The following EPB41L3 variants were observed in gnomAD, a reference collection of about 807,000 sequenced individuals.
EPB41L3 encodes erythrocyte membrane protein band 4.1 like 3.
A neutral mutation model predicts 127.1 loss-of-function variants in EPB41L3; 57 were observed. The ratio of observed to expected loss-of-function variants is 0.45; its 90% CI spans 0.36 to 0.56. The LOEUF (loss-of-function observed/expected upper bound fraction) is 0.56, where lower values mean the gene tolerates loss of function less well. Ranked by LOEUF, EPB41L3 falls within the 20% of genes least tolerant of loss-of-function variation. The pLI is 0.00. For synonymous variants in EPB41L3, 572 were observed against 549.5 expected, an observed-to-expected ratio of 1.04 and a Z score of -0.57; for missense variants, 1,273 against 1,372.2, an observed-to-expected ratio of 0.93 and a Z score of 1.14.
In EPB41L3 at chr18:5,494,675, A is replaced by T. The variant is rs1329670332; in HGVS notation, c.-11-5481T>A. Among the ~76,000 whole-genome samples, 4 of 141,876 alleles carry T rather than the reference A, an allele frequency of 2.8e-5. No individual in the cohort carries two copies. The East Asian group carries it at 9.5e-4, about 34-fold the overall frequency. The allele number at this position is 141,876 out of a possible 152,430, so 93.1% of individuals were successfully genotyped here. Reference sequence around the variant, plus strand: ...TCCATCCACCCTCCCCCCACCCAAAAAAAAAAAGAAACAGTAAAAGAAAGA... The same window carrying T: ...TCCATCCACCCTCCCCCCACCCAAATAAAAAAAGAAACAGTAAAAGAAAGA... On this transcript the variant is annotated intron_variant, in intron 1 of 22. Coordinates refer to ENST00000341928, the MANE Select transcript of EPB41L3 (RefSeq NM_012307.5).
intron 1 of EPB41L3, among the ~76,000 whole-genome samples, chr18:5,519,964 A>C (rs1598578188): frequency 6.6e-6 from 1 of 152,234 alleles, no homozygotes; most frequent in East Asian, 1.9e-4. Context: ...GCATTAAAGC[A>C]GCAACTGATT....
At chr18:5,587,687 A>C (rs961398450) in intron 3 of EPB41L3, among the ~76,000 whole-genome samples, 3 of 152,192 alleles carry the variant, frequency 2.0e-5, no homozygotes, top group Non-Finnish European at 1.5e-5. Flanking sequence ...GACATTCACA[A>C]TGATTTCCAA....
intron 3 of EPB41L3, among the ~76,000 whole-genome samples, chr18:5,572,984 A>T (rs1003205616): frequency 6.6e-6 from 1 of 152,192 alleles, no homozygotes; most frequent in African/African-American, 2.4e-5. Context: ...TGGGCATAAA[A>T]GGAATAAGGG....
chr18:5,539,029 C>T (rs1471760551), intron 1 of EPB41L3, among the ~76,000 whole-genome samples: 1 of 126,500 alleles, frequency 7.9e-6, no homozygotes, highest in South Asian at 2.4e-4. Context: ...GGTAGTAAAG[C>T]GTAAGTTACA....
At chr18:5,423,987 T>C (rs1328437701) in intron 10 of EPB41L3, among the ~76,000 whole-genome samples, 1 of 152,096 alleles carries the variant, frequency 6.6e-6, no homozygotes, top group African/African-American at 2.4e-5. Flanking sequence ...AAGGAATGGA[T>C]TGGATATTTG....
chr18:5,433,359 TCA>T (rs2079260240), intron 8 of EPB41L3, 108 bp downstream of exon 8: 4 of 730,482 alleles, frequency 5.5e-6, no homozygotes, highest in Non-Finnish European at 6.8e-6. Flanking sequence ...ATTTGAATTC[TCA>T]GAGGTTTCAT....
At chr18:5,403,536 A>T (rs1422547105) in intron 16 of EPB41L3, among the ~76,000 whole-genome samples, 1 of 151,768 alleles carries the variant, frequency 6.6e-6, no homozygotes, top group African/African-American at 2.4e-5. Context: ...GGTAACATTA[A>T]AACTCAAGAA....
chr18:5,445,384 T>C, intron 3 of EPB41L3, 140 bp from the exon 4 acceptor site: 1 of 679,468 alleles, frequency 1.5e-6, no homozygotes, highest in South Asian at 2.0e-5. Flanking sequence ...CACATTGCCA[T>C]CTCCTGTTTA....
intron 8 of EPB41L3, among the ~76,000 whole-genome samples, chr18:5,430,469 T>C (rs2078837212): frequency 2.0e-5 from 3 of 152,168 alleles, no homozygotes; most frequent in African/African-American, 7.2e-5. Context: ...CAAGTCTCCA[T>C]TTCATTAATC....
At chr18:5,535,915 A>C (rs1180534151) in intron 1 of EPB41L3, among the ~76,000 whole-genome samples, 1 of 152,138 alleles carries the variant, frequency 6.6e-6, no homozygotes, top group East Asian at 1.9e-4. Flanking sequence ...GAAGCTTAAT[A>C]TTTTCCATCT....
chr18:5,557,154 G>A (rs1748368588), intron 3 of EPB41L3, among the ~76,000 whole-genome samples: 1 of 152,206 alleles, frequency 6.6e-6, no homozygotes, highest in South Asian at 2.1e-4. Flanking sequence ...GGACGAAGCA[G>A]CCAGGAATTC....
At chr18:5,625,471 T>C (rs1221526366) in intron 1 of EPB41L3, among the ~76,000 whole-genome samples, 1 of 152,086 alleles carries the variant, frequency 6.6e-6, no homozygotes, top group Admixed American at 6.5e-5. Flanking sequence ...ACTCAGGACA[T>C]GGTGGTCCTA....
intron 2 of EPB41L3, among the ~76,000 whole-genome samples, chr18:5,485,722 G>C (rs1490617102): frequency 6.6e-6 from 1 of 151,958 alleles, no homozygotes; most frequent in East Asian, 1.9e-4. Flanking sequence ...AAGATATCAA[G>C]AAGCAATCCT....
intron 16 of EPB41L3, among the ~76,000 whole-genome samples, chr18:5,406,435 G>A (rs1005827982): frequency 3.3e-5 from 5 of 152,118 alleles, no homozygotes; most frequent in Non-Finnish European, 7.4e-5. Flanking sequence ...TCAAGCAAAA[G>A]TAGAAAGCAT....
chr18:5,534,150 G>A (rs1432565697), intron 1 of EPB41L3, among the ~76,000 whole-genome samples: 3 of 152,106 alleles, frequency 2.0e-5, no homozygotes, highest in Non-Finnish European at 2.9e-5. Context: ...GTGACAGAGC[G>A]AGACTCCGTC....
chr18:5,510,893 C>T (rs1197057495), intron 1 of EPB41L3, among the ~76,000 whole-genome samples: 3 of 152,082 alleles, frequency 2.0e-5, no homozygotes, highest in Non-Finnish European at 4.4e-5. Flanking sequence ...CTAGCTCTAT[C>T]TGCCTACTTA....
intron 3 of EPB41L3, among the ~76,000 whole-genome samples, chr18:5,586,681 C>G (rs1268366262): frequency 6.6e-6 from 1 of 151,434 alleles, no homozygotes; most frequent in African/African-American, 2.4e-5. Context: ...GGACTACAGG[C>G]ATGAGCTACA....
Position 5,502,987 on chromosome 18 carries a change from G to C in EPB41L3, c.-11-13793C>G, listed in dbSNP as rs1376517120. 2.0e-5 allele frequency among the ~76,000 whole-genome samples: 3 copies of C among 152,172 alleles called. No homozygotes were observed. The South Asian group carries it at 6.2e-4, about 32-fold the overall frequency. ...TCCACATCCAGACCCACCATGAAAA[G>C]AGAGACTTAAGTGATAAGTCAAAAT... On this transcript the variant is annotated intron_variant, in intron 1 of 22. Transcript: ENST00000341928.
chr18:5,586,249 T>C (rs542023013), intron 3 of EPB41L3, among the ~76,000 whole-genome samples: 5 of 152,294 alleles, frequency 3.3e-5, no homozygotes, highest in Admixed American at 3.3e-4. Context: ...TTTTGGCATA[T>C]GTCAGACTTT....
Sources: gnomAD v4.1 joint callset for allele counts (sites outside exome capture counted in the v4.1 genomes callset) on GRCh38, gnomAD v4.1.1 for gene constraint, MANE v1.5 for transcripts, NCBI Gene and HGNC (gene_info 2026-07-23, HGNC 2026-07-21) for gene names.